The following KPNA3 variants were observed in gnomAD, a reference collection of about 807,000 sequenced individuals.
KPNA3 encodes karyopherin subunit alpha 3.
KPNA3 carries 13 observed loss-of-function variants against 73.8 expected under a neutral mutation model. The ratio of observed to expected loss-of-function variants is 0.18; its 90% CI spans 0.11 to 0.28. The LOEUF is 0.28. Ranked by LOEUF, KPNA3 falls within the 10% of genes least tolerant of loss-of-function variation. The pLI is 1.00. For synonymous variants in KPNA3, 186 were observed against 206.9 expected (o/e 0.90, Z 0.87); for missense variants, 360 against 618.1 (o/e 0.58, Z 4.43).
intron 6 of KPNA3, among the ~76,000 whole-genome samples, chr13:49,730,595 CTTAT>C (rs1044022513): frequency 9.6e-4 from 127 of 132,358 alleles, no homozygotes; most frequent in Non-Finnish European, 1.7e-3. Flanking sequence ...TAGAATAGAA[CTTAT>C]TTATTTATTT....
chr13:49,791,856 G>A lies in KPNA3; in HGVS notation c.69+582C>T, dbSNP rs567627872. Among the ~76,000 whole-genome samples the A allele has an allele frequency of 3.3e-5, 5 of 152,294 alleles. No individual in the cohort carries two copies. In the East Asian group the frequency reaches 7.7e-4, roughly 24 times the overall value. On this transcript the variant is annotated intron_variant, in intron 1 of 16. Transcript: ENST00000261667. ...TGGAATATAAGAAAATGGTCCTGGCGCATCCTACCCTCCCCCATCGATCAC... is the reference window on the plus strand; with the variant it reads ...TGGAATATAAGAAAATGGTCCTGGCACATCCTACCCTCCCCCATCGATCAC...
At chr13:49,758,779 TACAC>T (rs981816849) in intron 1 of KPNA3, among the ~76,000 whole-genome samples, 1 of 151,854 alleles carries the variant, frequency 6.6e-6, no homozygotes, top group African/African-American at 2.4e-5. Flanking sequence ...TTTATATACA[TACAC>T]ACACACACAA....
chr13:49,716,073 G>A (rs1266005760), intron 10 of KPNA3, among the ~76,000 whole-genome samples: 1 of 152,152 alleles, frequency 6.6e-6, no homozygotes, highest in African/African-American at 2.4e-5. Flanking sequence ...TTTCAGTGGG[G>A]TCTCCATGAC....
chr13:49,790,460 C>T (rs1180007173), intron 1 of KPNA3, among the ~76,000 whole-genome samples: 1 of 152,094 alleles, frequency 6.6e-6, no homozygotes, highest in Non-Finnish European at 1.5e-5. Flanking sequence ...AGCAAGACTC[C>T]GTCTCAAAAA....
chr13:49,777,519 A>G (rs1221004287), intron 1 of KPNA3, among the ~76,000 whole-genome samples: 3 of 151,930 alleles, frequency 2.0e-5, no homozygotes. Flanking sequence ...TTTTTTCTTT[A>G]TTTGAGACAG....
In KPNA3 at chr13:49,722,057, G is replaced by A; in HGVS notation, c.624C>T (p.Ile208=). Residue 208 remains isoleucine, a synonymous_variant, in exon 9 of 17, where the codon ATC becomes ATT. Coordinates refer to ENST00000261667, the MANE Select transcript of KPNA3 (RefSeq NM_002267.4). ...GGAAGGTGATGGGGATGGAGGGACT[G>A]ATGAAGGACAGAAGAGGTTTGACAA... is the stretch of plus-strand genomic sequence containing the variant. The part of the protein sequence containing the change: ...LGVVKPLLSF[I]SPSIPITFLR... The A allele has an allele frequency of 6.2e-7, 1 of 1,612,006 alleles. No homozygotes were observed. Among genetic ancestry groups the A allele is most frequent in the Non-Finnish European group, 8.5e-7 (1 of 1,178,528 alleles).
At chr13:49,759,669 G>A (rs531132652) in intron 1 of KPNA3, among the ~76,000 whole-genome samples, 40 of 152,258 alleles carry the variant, frequency 2.6e-4, no homozygotes, top group Admixed American at 2.3e-3. Flanking sequence ...CAGGGTTTGT[G>A]CTCCTTTGAG....
At position 49,706,049 on chromosome 13, in the gene KPNA3, A is replaced by T. The variant is rs749646336; in HGVS notation, c.1209+49T>A. 2.0e-6 allele frequency: 3 copies of T among 1,492,314 alleles called. No homozygotes were observed. The South Asian group carries it at 3.6e-5, about 18-fold the overall frequency. 92.4% of individuals were successfully genotyped at this position (1,492,314 alleles called of 1,614,324 possible). On this transcript the variant is annotated intron_variant, in intron 14 of 16. Coordinates refer to ENST00000261667, the MANE Select transcript of KPNA3 (RefSeq NM_002267.4). ...CAACTACGAAACATAAGAGAGCAGC[A>T]TGCTTTCCAGTATTAACAATCATGA...
chr13:49,754,473 A>C (rs1954693170), intron 1 of KPNA3, among the ~76,000 whole-genome samples: 1 of 152,040 alleles, frequency 6.6e-6, no homozygotes, highest in Non-Finnish European at 1.5e-5. Flanking sequence ...GAAAGAGAGA[A>C]AGTCTCAAAC....
intron 6 of KPNA3, among the ~76,000 whole-genome samples, chr13:49,727,242 G>A (rs996024424): frequency 6.6e-6 from 1 of 152,176 alleles, no homozygotes; most frequent in East Asian, 1.9e-4. Flanking sequence ...GAGGTCGGGA[G>A]TTTGAAACCA....
In KPNA3 at chr13:49,709,664, C is replaced by CA. The variant is rs1158380388; in HGVS notation, c.939dup (p.Gly314TrpfsTer13). 1 of 1,613,880 alleles carries CA rather than the reference C, an allele frequency of 6.2e-7. No homozygotes were observed. Among genetic ancestry groups the CA allele is most frequent in the Non-Finnish European group, 8.5e-7 (1 of 1,179,954 alleles). On this transcript the variant is annotated frameshift_variant, in exon 12 of 17. Coordinates refer to ENST00000261667, the MANE Select transcript of KPNA3 (RefSeq NM_002267.4). LOFTEE classifies it high-confidence loss of function. The stretch of plus-strand genomic sequence containing the variant: ...ACAACCTGGGTCTGCTCGTCGGTGC[C>CA]AGTCACTATGTTGCCAACTGCTCTG...
chr13:49,718,482 T>C (rs1388056921), intron 10 of KPNA3, among the ~76,000 whole-genome samples: 1 of 152,190 alleles, frequency 6.6e-6, no homozygotes, highest in African/African-American at 2.4e-5. Context: ...TATTTGCCTA[T>C]AATTAATTCT....
chr13:49,777,879 T>C (rs1238134752), intron 1 of KPNA3, among the ~76,000 whole-genome samples: 1 of 152,148 alleles, frequency 6.6e-6, no homozygotes, highest in Non-Finnish European at 1.5e-5. Context: ...CCAAAAAGTC[T>C]ACTCATAATA....
At chr13:49,786,265 T>A (rs535653824) in intron 1 of KPNA3, among the ~76,000 whole-genome samples, 3 of 152,200 alleles carry the variant, frequency 2.0e-5, no homozygotes, top group Non-Finnish European at 2.9e-5. Flanking sequence ...TCATTAAGTT[T>A]CATGTTTCAA....
At chr13:49,787,999 T>C (rs1954999040) in intron 1 of KPNA3, among the ~76,000 whole-genome samples, 1 of 152,184 alleles carries the variant, frequency 6.6e-6, no homozygotes, top group African/African-American at 2.4e-5. Flanking sequence ...AAAGCTTTGA[T>C]ATATTGTAAG....
At chr13:49,739,192 C>T (rs1433255197) in intron 2 of KPNA3, among the ~76,000 whole-genome samples, 2 of 152,138 alleles carry the variant, frequency 1.3e-5, no homozygotes, top group Non-Finnish European at 2.9e-5. Flanking sequence ...CTTAAACTTG[C>T]CTCACCTCCA....
intron 1 of KPNA3, among the ~76,000 whole-genome samples, chr13:49,787,108 T>C (rs1954989122): frequency 1.3e-5 from 2 of 152,166 alleles, no homozygotes; most frequent in African/African-American, 4.8e-5. Context: ...CACTGGAGGT[T>C]CCAGAGACAG....
intron 6 of KPNA3, among the ~76,000 whole-genome samples, chr13:49,726,749 C>T (rs1350866955): frequency 6.6e-6 from 1 of 151,866 alleles, no homozygotes; most frequent in Non-Finnish European, 1.5e-5. Context: ...TCGAAACCAG[C>T]CTGGGCAACA....
chr13:49,748,300 G>A (rs1256944787), intron 1 of KPNA3, among the ~76,000 whole-genome samples: 1 of 151,586 alleles, frequency 6.6e-6, no homozygotes, highest in African/African-American at 2.4e-5. Context: ...TAGATGTTTT[G>A]TATCAAAAGG....
Sources: gnomAD v4.1 joint callset for allele counts (sites outside exome capture counted in the v4.1 genomes callset) on GRCh38, gnomAD v4.1.1 for gene constraint, MANE v1.5 for transcripts, NCBI Gene and HGNC (gene_info 2026-07-23, HGNC 2026-07-21) for gene names.